GALNT7: variants seen among roughly 807,000 people sequenced by gnomAD.
GALNT7 encodes N-acetylgalactosaminyltransferase 7.
GALNT7 carries 60 observed loss-of-function variants against 82.1 expected under a neutral mutation model. The observed-to-expected ratio is 0.73, with a 90% confidence interval of 0.59 to 0.91. GALNT7 has a LOEUF of 0.91. GALNT7 is among the 40% of genes least tolerant of loss of function. The probability of loss-of-function intolerance (pLI) is 0.00; values close to 1 mark genes in which losing one functional copy is unlikely to be tolerated. For missense variants in GALNT7, 660 were observed against 804.2 expected (o/e 0.82, Z 2.17); for synonymous variants, 243 against 275.1 (o/e 0.88, Z 1.15).
rs1554030028 is a variant in GALNT7, at chr4:173,313,943, AT to A, written c.1390-5del. Reference sequence around the variant, plus strand: ...TTTTTATAACGATATATATATATATATTTTTTTTTTACAGAATTATGTTAGA... The same window carrying A: ...TTTTTATAACGATATATATATATATATTTTTTTTTACAGAATTATGTTAGA... On this transcript the variant is annotated splice_polypyrimidine_tract_variant and intron_variant, in intron 8 of 11. Coordinates refer to ENST00000265000, the MANE Select transcript of GALNT7 (RefSeq NM_017423.3). 8,840 of 885,688 alleles carry A rather than the reference AT, an allele frequency of 1.0e-2. 16 individuals are homozygous for A. The highest frequency in any genetic ancestry group is 0.012 in the Non-Finnish European group (7,262 of 595,980). 54.9% of individuals were successfully genotyped at this position (885,688 alleles called of 1,614,324 possible).
At position 173,317,661 on chromosome 4, in the gene GALNT7, A is replaced by G. The variant is rs1561203036; in HGVS notation, c.1636A>G (p.Ile546Val). The G allele has an allele frequency of 6.2e-7, 1 of 1,612,484 alleles. No homozygotes were observed. Among genetic ancestry groups the G allele is most frequent in the Non-Finnish European group, 8.5e-7 (1 of 1,178,604 alleles). The part of the protein sequence containing the change: ...EIRGFETAYC[I>V]DSMGKTNGGF... Reference sequence around the variant, plus strand: ...CAGAGGCTTCGAAACTGCTTACTGCATTGATAGCATGGGAAAAACAAATGG... The same window carrying G: ...CAGAGGCTTCGAAACTGCTTACTGCGTTGATAGCATGGGAAAAACAAATGG... Residue 546 changes from isoleucine (I) to valine (V), a missense_variant, in exon 10 of 12, where the codon ATT (isoleucine) becomes GTT (valine). Coordinates refer to ENST00000265000, the MANE Select transcript of GALNT7 (RefSeq NM_017423.3).
chr4:173,168,850 T>G lies in GALNT7; in HGVS notation c.15T>G (p.Ile5Met). Residue 5 changes from isoleucine to methionine, a missense_variant, in exon 1 of 12, where the codon ATT becomes ATG. Physicochemically the swap from Ile to Met is conservative, Grantham distance 10 (BLOSUM62 1). Around this residue, in one of 2 missense-constraint regions of GALNT7, gnomAD observed 133 missense variants for 120.7 expected, o/e 1.10. Transcript: ENST00000265000. The stretch of plus-strand genomic sequence containing the variant: ...GCCGGAGGAAGATGAGGCTGAAGAT[T>G]GGGTTCATCTTACGCAGTTTGCTGG... Reference protein sequence around the residue: MRLKIGFILRSLLVV... With the variant: MRLKMGFILRSLLVV... The G allele has an allele frequency of 1.2e-6, 2 of 1,612,838 alleles. No homozygotes were observed. Among genetic ancestry groups the G allele is most frequent in the South Asian group, 1.1e-5 (1 of 91,046 alleles).
At chr4:173,313,652 C>G (rs1737473248) in intron 8 of GALNT7, among the ~76,000 whole-genome samples, 1 of 151,114 alleles carries the variant, frequency 6.6e-6, no homozygotes, top group Non-Finnish European at 1.5e-5. Flanking sequence ...CTCATAAACT[C>G]TCTCTGAGAT....
At chr4:173,169,135 C>T in intron 1 of GALNT7, 174 bp downstream of exon 1, 1 of 347,716 alleles carries the variant, frequency 2.9e-6, no homozygotes, top group Non-Finnish European at 4.8e-6. Flanking sequence ...GCACTCCGAC[C>T]TCCCTGGCCG....
chr4:173,242,291 T>C (rs1241571263), intron 1 of GALNT7, among the ~76,000 whole-genome samples: 1 of 152,220 alleles, frequency 6.6e-6, no homozygotes, highest in Non-Finnish European at 1.5e-5. Context: ...ATATCATACT[T>C]TAAGCCACAC....
At chr4:173,177,220 T>TC (rs1468266879) in intron 1 of GALNT7, among the ~76,000 whole-genome samples, 1 of 152,060 alleles carries the variant, frequency 6.6e-6, no homozygotes, top group Non-Finnish European at 1.5e-5. Context: ...TCTAACTAGT[T>TC]CCCCGGGGAT....
At chr4:173,249,697 C>G (rs952082116) in intron 2 of GALNT7, among the ~76,000 whole-genome samples, 1 of 152,122 alleles carries the variant, frequency 6.6e-6, no homozygotes, top group Non-Finnish European at 1.5e-5. Context: ...GTATATGTTC[C>G]AAATATTGCA....
rs1737836447 is a variant in GALNT7 at position 173,321,991 on chromosome 4, GCT to G, written c.*277_*278del. ...ATGATGTTGGTAATTTGTGCCTTTAGCTCTGTTTTATTAGACAGAGTTAAAGC... is the reference window on the plus strand; with the variant it reads ...ATGATGTTGGTAATTTGTGCCTTTAGCTGTTTTATTAGACAGAGTTAAAGC... On this transcript the variant is annotated 3_prime_UTR_variant, in exon 12 of 12. Coordinates refer to ENST00000265000, the MANE Select transcript of GALNT7 (RefSeq NM_017423.3). The G allele has an allele frequency of 1.1e-5, 3 of 269,098 alleles. No individual in the cohort carries two copies. The Admixed American group carries it at 1.4e-4, about 13-fold the overall frequency. 16.7% of individuals were successfully genotyped at this position (269,098 alleles called of 1,614,324 possible). A position where few individuals can be genotyped will look rare whatever the true frequency, so the allele number is the denominator to read the frequency against.
At chr4:173,239,864 A>G (rs1459563004) in intron 1 of GALNT7, among the ~76,000 whole-genome samples, 4 of 152,198 alleles carry the variant, frequency 2.6e-5, no homozygotes, top group Non-Finnish European at 4.4e-5. Flanking sequence ...TAAATTTAGC[A>G]TAACTTTAGT....
chr4:173,294,198 TC>T (rs1736636865), intron 3 of GALNT7, among the ~76,000 whole-genome samples: 1 of 151,102 alleles, frequency 6.6e-6, no homozygotes, highest in South Asian at 2.1e-4. Flanking sequence ...ATGCAAAAAA[TC>T]CTCCTAATGG....
chr4:173,187,085 GAA>G (rs1227058171), intron 1 of GALNT7, among the ~76,000 whole-genome samples: 1 of 151,540 alleles, frequency 6.6e-6, no homozygotes, highest in African/African-American at 2.4e-5. Context: ...TTTACATTAA[GAA>G]AAAAAGAATG....
At chr4:173,277,070 A>G (rs1735938720) in intron 2 of GALNT7, among the ~76,000 whole-genome samples, 1 of 152,188 alleles carries the variant, frequency 6.6e-6, no homozygotes, top group African/African-American at 2.4e-5. Context: ...ACTTAGTGAA[A>G]AGCTCTCAGT....
Position 173,318,438 on chromosome 4 carries a change from G to T in GALNT7, c.1715G>T (p.Arg572Ile). 1 of 1,601,136 alleles carries T rather than the reference G, an allele frequency of 6.2e-7. No homozygotes were observed. Among genetic ancestry groups the T allele is most frequent in the Admixed American group, 1.7e-5 (1 of 57,356 alleles). ...CHRMGGNQLF[R>I]INEANQLMQY... ...TCTCTTTTCCTTTTACAGCTTTTCA[G>T]AATCAATGAAGCAAATCAACTCATG... The change falls in exon 11 of 12, where the codon AGA (arginine) becomes ATA (isoleucine). Residue 572 changes from arginine to isoleucine, a missense_variant. By Grantham distance (97) the Arg-to-Ile change is moderately conservative. This residue lies in a region of GALNT7 where 527 missense variants were observed against 683.5 expected (regional missense o/e 0.77). Coordinates refer to ENST00000265000, the MANE Select transcript of GALNT7 (RefSeq NM_017423.3).
chr4:173,313,928 G>GAT (rs138768800), intron 8 of GALNT7, 30 bp from the exon 9 acceptor site: 1,276 of 939,140 alleles, frequency 1.4e-3, no homozygotes, highest in East Asian at 4.9e-3. Flanking sequence ...TTTTTATAAC[G>GAT]ATATATATAT....
chr4:173,250,842 A>G (rs1285194721), intron 2 of GALNT7, among the ~76,000 whole-genome samples: 1 of 152,014 alleles, frequency 6.6e-6, no homozygotes, highest in Non-Finnish European at 1.5e-5. Flanking sequence ...GGTCTTCTGC[A>G]TATGCTCTTC....
chr4:173,222,492 G>C (rs933916667), intron 1 of GALNT7, among the ~76,000 whole-genome samples: 4 of 152,074 alleles, frequency 2.6e-5, no homozygotes, highest in African/African-American at 9.7e-5. Flanking sequence ...GGCTGGTCTT[G>C]AACTCCAAAA....
chr4:173,205,390 G>A (rs909151598), intron 1 of GALNT7, among the ~76,000 whole-genome samples: 2 of 152,094 alleles, frequency 1.3e-5, no homozygotes, highest in African/African-American at 4.8e-5. Context: ...TGGAGCCTTG[G>A]TTCATGGGTC....
At chr4:173,317,375 T>G in intron 9 of GALNT7, 2 of 281,888 alleles carry the variant, frequency 7.1e-6, no homozygotes, top group East Asian at 7.9e-5. Flanking sequence ...AATGGTAACT[T>G]TTTTTTTCTC....
intron 1 of GALNT7, among the ~76,000 whole-genome samples, chr4:173,220,567 C>T (rs1037508097): frequency 5.3e-5 from 8 of 152,048 alleles, no homozygotes; most frequent in East Asian, 1.9e-4. Flanking sequence ...TAGTTACATA[C>T]GTATACATGT....
Sources: allele counts gnomAD v4.1 joint callset (sites outside exome capture counted in the v4.1 genomes callset), GRCh38; gene constraint gnomAD v4.1.1; regional missense constraint gnomAD v4.1.1; transcripts MANE v1.5; gene names NCBI Gene and HGNC (gene_info 2026-07-23, HGNC 2026-07-21).